SIDT1: variants seen among roughly 807,000 people sequenced by gnomAD.
SIDT1 encodes the protein SID1 transmembrane family, member 1.
Under a neutral mutation model 107.5 loss-of-function variants are expected in SIDT1, and 101 were observed. That is an observed-to-expected ratio of 0.94 (90% CI 0.80 to 1.11). The LOEUF is 1.11. SIDT1 is among the 50% of genes least tolerant of loss of function. SIDT1 has a pLI of 0.00. For missense variants in SIDT1, 1,076 were observed against 1,058.2 expected (o/e 1.02, Z -0.23); for synonymous variants, 395 against 398.2 (o/e 0.99, Z 0.10).
chr3:113,556,821 C>CTTTTTTTTTTTTTTTT (rs61672960), intron 1 of SIDT1, among the ~76,000 whole-genome samples: 2 of 107,660 alleles, frequency 1.9e-5, no homozygotes, highest in Admixed American at 1.1e-4. Flanking sequence ...GTTTCTTTTT[C>CTTTTTTTTTTTTTTTT]TTTTTTTTTT....
intron 17 of SIDT1, among the ~76,000 whole-genome samples, chr3:113,610,800 T>C (rs1342443388): frequency 1.3e-5 from 2 of 152,150 alleles, no homozygotes; most frequent in South Asian, 2.1e-4. Context: ...AGGGCAGCCT[T>C]AGAGAGGTTT....
intron 1 of SIDT1, among the ~76,000 whole-genome samples, chr3:113,547,819 C>T (rs1354490074): frequency 6.6e-6 from 1 of 152,058 alleles, no homozygotes; most frequent in Non-Finnish European, 1.5e-5. Flanking sequence ...TTGGACCTAG[C>T]CTTCTACAGT....
At position 113,566,540 on chromosome 3, in the gene SIDT1, C is replaced by T; in HGVS notation, c.343C>T (p.Leu115=). Residue 115 remains leucine (L), a splice_region_variant and synonymous_variant, in exon 2 of 25, where the codon CTA becomes TTA. Coordinates refer to ENST00000264852, the MANE Select transcript of SIDT1 (RefSeq NM_017699.3). ...SWQVPLLFQG[L]YQRSYNYQEV... is the part of the protein sequence containing the mutation. ...GCAGGTTCCTCTGCTCTTCCAAGGACTGTAAGTGGGTTTTCTTCCAGGCAA... is the reference window on the plus strand; with the variant it reads ...GCAGGTTCCTCTGCTCTTCCAAGGATTGTAAGTGGGTTTTCTTCCAGGCAA... 1 of 1,612,728 alleles carries T rather than the reference C, an allele frequency of 6.2e-7. No homozygotes were observed. The highest frequency in any genetic ancestry group is 8.5e-7 in the Non-Finnish European group (1 of 1,179,524).
intron 3 of SIDT1, among the ~76,000 whole-genome samples, chr3:113,569,592 G>T (rs1279452211): frequency 5.3e-5 from 8 of 152,136 alleles, no homozygotes; most frequent in Non-Finnish European, 7.3e-5. Flanking sequence ...CGGAAACGTG[G>T]ACAGATAAAT....
intron 14 of SIDT1, chr3:113,606,359 C>T (rs1256467995): frequency 3.3e-5 from 5 of 152,222 alleles, no homozygotes; most frequent in African/African-American, 1.2e-4. Context: ...GAGGGTGGGG[C>T]CAGGCATCTG....
downstream of SIDT1, among the ~76,000 whole-genome samples, chr3:113,634,277 C>T (rs1457202699): frequency 6.6e-6 from 1 of 152,184 alleles, no homozygotes; most frequent in African/African-American, 2.4e-5. Flanking sequence ...TTAGTGAGAT[C>T]TTACTATTGG....
intron 1 of SIDT1, among the ~76,000 whole-genome samples, chr3:113,555,830 A>T (rs987238798): frequency 1.3e-4 from 19 of 149,454 alleles, no homozygotes; most frequent in African/African-American, 4.7e-4. Context: ...AATATCCTAC[A>T]TAAGACGGAC....
At chr3:113,541,859 C>T (rs1938915448) in intron 1 of SIDT1, among the ~76,000 whole-genome samples, 1 of 148,496 alleles carries the variant, frequency 6.7e-6, no homozygotes, top group African/African-American at 2.5e-5. Flanking sequence ...TCCTGAAAGA[C>T]TTTTTTCTTT....
At chr3:113,552,075 A>G (rs1376329573) in intron 1 of SIDT1, among the ~76,000 whole-genome samples, 3 of 152,166 alleles carry the variant, frequency 2.0e-5, no homozygotes, top group Non-Finnish European at 4.4e-5. Context: ...CCTTTTGTGA[A>G]CAACGTGACT....
At chr3:113,565,041 T>C (rs1362868622) in intron 1 of SIDT1, among the ~76,000 whole-genome samples, 3 of 152,244 alleles carry the variant, frequency 2.0e-5, no homozygotes, top group African/African-American at 7.2e-5. Flanking sequence ...GAATGTGCGA[T>C]AGATCATTAG....
At chr3:113,537,786 T>C (rs1030177374) in intron 1 of SIDT1, among the ~76,000 whole-genome samples, 1 of 152,200 alleles carries the variant, frequency 6.6e-6, no homozygotes, top group Admixed American at 6.5e-5. Context: ...TGTCCTCTTC[T>C]TCTTTTTTCT....
At chr3:113,595,586 A>G (rs1176373517) in intron 10 of SIDT1, among the ~76,000 whole-genome samples, 3 of 151,900 alleles carry the variant, frequency 2.0e-5, no homozygotes, top group Non-Finnish European at 4.4e-5. Flanking sequence ...CTCAAAAAAA[A>G]AAAAAGCCTC....
At chr3:113,564,270 G>A (rs1308060327) in intron 1 of SIDT1, among the ~76,000 whole-genome samples, 1 of 152,168 alleles carries the variant, frequency 6.6e-6, no homozygotes, top group Admixed American at 6.5e-5. Flanking sequence ...TCCAGTGGTG[G>A]GGGTGTATGG....
intron 1 of SIDT1, among the ~76,000 whole-genome samples, chr3:113,554,447 T>G (rs913595869): frequency 3.3e-5 from 5 of 151,958 alleles, no homozygotes; most frequent in African/African-American, 1.2e-4. Flanking sequence ...TAGGGGTGGG[T>G]TTTTCCCATG....
intron 4 of SIDT1, among the ~76,000 whole-genome samples, chr3:113,578,774 G>A (rs952471936): frequency 2.0e-5 from 3 of 152,130 alleles, no homozygotes; most frequent in Non-Finnish European, 4.4e-5. Context: ...AGGATCACTT[G>A]AGCCCAGGAG....
chr3:113,538,378 G>A (rs1938433353), intron 1 of SIDT1, among the ~76,000 whole-genome samples: 2 of 152,212 alleles, frequency 1.3e-5, no homozygotes, highest in Non-Finnish European at 2.9e-5. Flanking sequence ...ATAATCAGGT[G>A]GTAAGTTGTG....
intron 8 of SIDT1, among the ~76,000 whole-genome samples, 159 bp from the exon 9 acceptor site, chr3:113,585,018 A>G (rs999794669): frequency 2.6e-5 from 4 of 152,188 alleles, no homozygotes; most frequent in Non-Finnish European, 4.4e-5. Flanking sequence ...TACTGTGGAT[A>G]ATGTCTGGGG....
At position 113,548,553 on chromosome 3, in the gene SIDT1, T is replaced by C. The variant is rs184011040; in HGVS notation, c.222+15310T>C. ...ATTGACTATTTTGAGTTAAAACTACTTGAAAAACAACAGATGCAAGAAGGT... is the reference window on the plus strand; with the variant it reads ...ATTGACTATTTTGAGTTAAAACTACCTGAAAAACAACAGATGCAAGAAGGT... On this transcript the variant is annotated intron_variant, in intron 1 of 24. Transcript: ENST00000264852. Among the ~76,000 whole-genome samples, 174 of 152,246 alleles carry C rather than the reference T, an allele frequency of 1.1e-3. 1 individual carries two copies. The highest frequency in any genetic ancestry group is 1.9e-3 in the Non-Finnish European group (127 of 67,964).
At chr3:113,614,695 C>T (rs1945982564) in intron 19 of SIDT1, among the ~76,000 whole-genome samples, 1 of 152,218 alleles carries the variant, frequency 6.6e-6, no homozygotes, top group South Asian at 2.1e-4. Context: ...CATTAGCTCT[C>T]ATAAACCGCA....
Sources: allele counts gnomAD v4.1 joint callset (sites outside exome capture counted in the v4.1 genomes callset), GRCh38; gene constraint gnomAD v4.1.1; transcripts MANE v1.5; gene names NCBI Gene and HGNC (gene_info 2026-07-23, HGNC 2026-07-21).